Variants in NETO2 observed in about 807,000 individuals in gnomAD.
NETO2 encodes the protein neuropilin and tolloid like 2.
NETO2 carries 28 observed loss-of-function variants against 62.5 expected under a neutral mutation model. The ratio of observed to expected loss-of-function variants is 0.45; its 90% CI spans 0.33 to 0.61. The LOEUF (loss-of-function observed/expected upper bound fraction) is 0.61, where lower values mean the gene tolerates loss of function less well. Ranked by LOEUF, NETO2 falls within the 20% of genes least tolerant of loss-of-function variation. The pLI, the probability that NETO2 is intolerant of heterozygous loss-of-function variation, is 0.02. For missense variants in NETO2, 548 were observed against 643.2 expected (o/e 0.85, Z 1.60); for synonymous variants, 214 against 219.1 (o/e 0.98, Z 0.21).
At chr16:47,084,513 T>C (rs981608515) in intron 8 of NETO2, among the ~76,000 whole-genome samples, 1 of 152,204 alleles carries the variant, frequency 6.6e-6, no homozygotes, top group Admixed American at 6.5e-5. Flanking sequence ...GCAGTGGCAT[T>C]AGATTCTCAC....
At chr16:47,089,822 G>A (rs553721977) in intron 7 of NETO2, among the ~76,000 whole-genome samples, 1 of 152,192 alleles carries the variant, frequency 6.6e-6, no homozygotes, top group Admixed American at 6.5e-5. Flanking sequence ...ACTAAAAAAC[G>A]GCCAAGAGAA....
rs920102332 is a variant in NETO2, at chr16:47,077,798, A to G, written c.*5423T>C. Reference sequence around the variant, plus strand: ...GTAAAATTGCTCTGTAACAATTTACAGAGACAGACCAGTGGTAAACCTTCT... The same window carrying G: ...GTAAAATTGCTCTGTAACAATTTACGGAGACAGACCAGTGGTAAACCTTCT... On this transcript the variant is annotated 3_prime_UTR_variant, in exon 9 of 9. Coordinates refer to ENST00000562435, the MANE Select transcript of NETO2 (RefSeq NM_018092.5). 1 of 152,250 alleles carries G rather than the reference A, an allele frequency of 6.6e-6. No individual in the cohort carries two copies. The highest frequency in any genetic ancestry group is 2.4e-5 in the African/African-American group (1 of 41,474). The allele number at this position is 152,250 out of a possible 1,614,324, so 9.4% of individuals were successfully genotyped here.
chr16:47,127,716 G>A (rs1351702843), intron 4 of NETO2, among the ~76,000 whole-genome samples: 2 of 152,200 alleles, frequency 1.3e-5, no homozygotes, highest in African/African-American at 4.8e-5. Context: ...GTCTGAAGTG[G>A]CCAAATTTGA....
At chr16:47,120,586 A>G (rs1964016977) in intron 6 of NETO2, among the ~76,000 whole-genome samples, 1 of 152,244 alleles carries the variant, frequency 6.6e-6, no homozygotes, top group Admixed American at 6.5e-5. Context: ...ATCAAATACC[A>G]GATATTAATT....
Position 47,083,024 on chromosome 16 carries a change from T to A in NETO2, c.*197A>T, listed in dbSNP as rs912152958. ...AGAGATGATTATTGTTTCCACTGAA[T>A]AGAGTAAGTTCCTTGATTGGTTTAA... On this transcript the variant is annotated 3_prime_UTR_variant, in exon 9 of 9. Transcript: ENST00000562435. The A allele has an allele frequency of 9.7e-6, 5 of 518,066 alleles. No individual in the cohort carries two copies. Among genetic ancestry groups the A allele is most frequent in the East Asian group, 8.9e-5 (3 of 33,736 alleles). 32.1% of individuals were successfully genotyped at this position (518,066 alleles called of 1,614,324 possible).
chr16:47,090,090 T>C (rs939849742), intron 7 of NETO2, among the ~76,000 whole-genome samples: 1 of 152,202 alleles, frequency 6.6e-6, no homozygotes, highest in East Asian at 1.9e-4. Flanking sequence ...TTTTAAGGTT[T>C]ATCTACAGAA....
chr16:47,122,513 G>GT, intron 6 of NETO2, 144 bp downstream of exon 6: 3 of 867,782 alleles, frequency 3.5e-6, no homozygotes, highest in Non-Finnish European at 5.1e-6. Context: ...TGCCAATAAA[G>GT]TAAGTGAAAT....
chr16:47,093,443 G>A (rs1200571667), intron 7 of NETO2, among the ~76,000 whole-genome samples: 2 of 152,184 alleles, frequency 1.3e-5, no homozygotes, highest in Admixed American at 1.3e-4. Context: ...GTCTCAAAGG[G>A]TCTTCGTCAC....
chr16:47,126,848 C>T (rs1596740769), intron 4 of NETO2, among the ~76,000 whole-genome samples: 1 of 152,070 alleles, frequency 6.6e-6, no homozygotes, highest in Non-Finnish European at 1.5e-5. Flanking sequence ...ACTTGGTTGG[C>T]TATGGAGAAT....
At chr16:47,120,854 G>A (rs1045910880) in intron 6 of NETO2, among the ~76,000 whole-genome samples, 1 of 151,974 alleles carries the variant, frequency 6.6e-6, no homozygotes, top group Non-Finnish European at 1.5e-5. Flanking sequence ...TCCTGCTTGG[G>A]AGTCACCCTG....
At chr16:47,136,917 C>T (rs570387490) in intron 1 of NETO2, among the ~76,000 whole-genome samples, 51 of 151,756 alleles carry the variant, frequency 3.4e-4, no homozygotes, top group Non-Finnish European at 5.7e-4. Context: ...TAACGACAGA[C>T]ACATAAATAA....
At chr16:47,087,914 G>C (rs1213516341) in intron 7 of NETO2, among the ~76,000 whole-genome samples, 2 of 152,124 alleles carry the variant, frequency 1.3e-5, no homozygotes, top group African/African-American at 4.8e-5. Context: ...ACCTTTGTTA[G>C]AATGGATTAT....
intron 1 of NETO2, among the ~76,000 whole-genome samples, chr16:47,133,897 C>T (rs541698580): frequency 6.6e-6 from 1 of 152,152 alleles, no homozygotes; most frequent in African/African-American, 2.4e-5. Flanking sequence ...GTGTTTTAGA[C>T]CAATAATCCT....
chr16:47,105,087 C>T (rs1963644821), intron 7 of NETO2, among the ~76,000 whole-genome samples: 1 of 151,554 alleles, frequency 6.6e-6, no homozygotes, highest in Non-Finnish European at 1.5e-5. Context: ...GTTGACCAGG[C>T]TGGTCTTGAA....
At chr16:47,133,606 TAAAATAAAATAA>T (rs1484068020) in intron 1 of NETO2, among the ~76,000 whole-genome samples, 38 of 9,566 alleles carry the variant, frequency 4.0e-3, no homozygotes, top group Admixed American at 0.029. Flanking sequence ...TGACATAACA[TAAAATAAAATAA>T]AATAAAATAA....
chr16:47,132,563 T>C (rs758016641), intron 1 of NETO2, among the ~76,000 whole-genome samples: 9 of 152,238 alleles, frequency 5.9e-5, no homozygotes. Context: ...CTACAAAGGC[T>C]AGCCATATTT....
At chr16:47,089,675 T>C (rs1963272837) in intron 7 of NETO2, among the ~76,000 whole-genome samples, 1 of 152,180 alleles carries the variant, frequency 6.6e-6, no homozygotes, top group Admixed American at 6.5e-5. Context: ...AAACATGCCA[T>C]CATATTGAGG....
At chr16:47,126,499 C>T (rs1325196598) in intron 4 of NETO2, among the ~76,000 whole-genome samples, 2 of 152,098 alleles carry the variant, frequency 1.3e-5, no homozygotes, top group Non-Finnish European at 2.9e-5. Flanking sequence ...AGGCAGAGCA[C>T]GGGGCACTGT....
chr16:47,084,620 A>G (rs2143795907), intron 8 of NETO2, among the ~76,000 whole-genome samples: 1 of 152,368 alleles, frequency 6.6e-6, no homozygotes, highest in South Asian at 2.1e-4. Flanking sequence ...GCAGAAGTCC[A>G]ATAGAGTAGT....
Sources: gnomAD v4.1 joint callset for allele counts (sites outside exome capture counted in the v4.1 genomes callset) on GRCh38, gnomAD v4.1.1 for gene constraint, MANE v1.5 for transcripts, NCBI Gene and HGNC (gene_info 2026-07-23, HGNC 2026-07-21) for gene names.